RNPS1: variants seen among roughly 807,000 people sequenced by gnomAD.
RNPS1 encodes RNA binding protein with serine rich domain 1.
For missense variants in RNPS1, 300 were observed against 427.6 expected, an observed-to-expected ratio of 0.70 and a Z score of 2.63; for synonymous variants, 147 against 150.0, an observed-to-expected ratio of 0.98 and a Z score of 0.15.
rs376440823 is a variant in RNPS1, at chr16:2,254,020, G to T, written c.862C>A (p.Arg288=). Residue 288 remains arginine, a synonymous_variant, in exon 8 of 8, where the codon CGG becomes AGG. Transcript: ENST00000320225. ...RRRSPVRRRS[R]SPGRRRHRSR... ...CTGTGGCGGCGGCGGCCCGGGGACCGTGATCTCCGGCGCACGGGGGACCTG... is the reference window on the plus strand; with the variant it reads ...CTGTGGCGGCGGCGGCCCGGGGACCTTGATCTCCGGCGCACGGGGGACCTG... 110 of 1,521,656 alleles carry T rather than the reference G, an allele frequency of 7.2e-5. No homozygotes were observed. The highest frequency in any genetic ancestry group is 8.9e-5 in the Non-Finnish European group (101 of 1,132,002). The allele number at this position is 1,521,656 out of a possible 1,614,324, so 94.3% of individuals were successfully genotyped here.
At chr16:2,261,764 G>A (rs2093603938) in intron 6 of RNPS1, among the ~76,000 whole-genome samples, 1 of 152,158 alleles carries the variant, frequency 6.6e-6, no homozygotes, top group Admixed American at 6.6e-5. Context: ...GTTTTATTGG[G>A]AAGAAAACTC....
chr16:2,266,069 T>G, intron 1 of RNPS1: 5 of 975,960 alleles, frequency 5.1e-6, no homozygotes, highest in Non-Finnish European at 6.1e-6. Flanking sequence ...AGTTGTTAAG[T>G]GAAGATCTCA....
rs761577570 is a variant in RNPS1 at position 2,268,078 on chromosome 16, T to C, written c.-141A>G. ...ACATCTTCCCGCCGCCGCCACCTCC[T>C]CCTGCTTTCCTCAGCCGCCGAGGCC... On this transcript the variant is annotated 5_prime_UTR_variant, in exon 1 of 8. Coordinates refer to ENST00000320225, the MANE Select transcript of RNPS1 (RefSeq NM_080594.4). 1.6e-5 allele frequency: 24 copies of C among 1,535,330 alleles called. 1 individual carries two copies. In the South Asian group the frequency reaches 2.5e-4, roughly 16 times the overall value.
chr16:2,258,109 G>A (rs1349360687), intron 6 of RNPS1: 1 of 152,202 alleles, frequency 6.6e-6, no homozygotes, highest in African/African-American at 2.4e-5. Flanking sequence ...GTGGTTATGA[G>A]ATACAAGTGT....
chr16:2,262,144 C>T, intron 6 of RNPS1, 134 bp downstream of exon 6: 1 of 911,774 alleles, frequency 1.1e-6, no homozygotes, highest in South Asian at 1.8e-5. Context: ...GAACTGCACC[C>T]CAGCCTGGGC....
At chr16:2,266,175 G>C (rs564406383) in intron 1 of RNPS1, 2 of 985,456 alleles carry the variant, frequency 2.0e-6, no homozygotes, top group Non-Finnish European at 2.4e-6. Flanking sequence ...TCCCTGTGCA[G>C]TGCACGCCAG....
chr16:2,255,999 C>T (rs1003048882), intron 6 of RNPS1: 2 of 406,462 alleles, frequency 4.9e-6, no homozygotes, highest in African/African-American at 4.2e-5. Context: ...GTGGCGGGCG[C>T]CTATAGTACC....
intron 1 of RNPS1, chr16:2,267,517 G>C (rs963447563): frequency 9.9e-7 from 1 of 1,013,442 alleles, no homozygotes; most frequent in African/African-American, 1.7e-5. Flanking sequence ...CGGGAGTCCG[G>C]GAAACGTTCG....
At chr16:2,263,821 C>T in intron 3 of RNPS1, 1 of 280,950 alleles carries the variant, frequency 3.6e-6, no homozygotes, top group East Asian at 9.4e-5. Context: ...AAGCCATCCT[C>T]TTGCCTCAGC....
At position 2,268,057 on chromosome 16, in the gene RNPS1, C is replaced by T. The variant is rs750920126; in HGVS notation, c.-120G>A. ...AGTCGGATTCCGCCCCAACTTACAT[C>T]TTCCCGCCGCCGCCACCTCCTCCTG... On this transcript the variant is annotated splice_region_variant and 5_prime_UTR_variant, in exon 1 of 8. Transcript: ENST00000320225. 192 of 1,534,906 alleles carry T rather than the reference C, an allele frequency of 1.3e-4. No individual in the cohort carries two copies. The highest frequency in any genetic ancestry group is 3.7e-4 in the East Asian group (15 of 40,872).
Position 2,253,883 on chromosome 16 carries a change from TG to T in RNPS1, c.*80del. 7.9e-7 allele frequency: 1 copy of T among 1,264,254 alleles called. No homozygotes were observed. Among genetic ancestry groups the T allele is most frequent in the Non-Finnish European group, 1.1e-6 (1 of 884,372 alleles). The allele number at this position is 1,264,254 out of a possible 1,614,324, so 78.3% of individuals were successfully genotyped here. Reference sequence around the variant, plus strand: ...CAGAGTCAAGGGTTTGCTTTCCTACTGGTCTTCCTTTGGCTAGAAAAGTGAC... The same window carrying T: ...CAGAGTCAAGGGTTTGCTTTCCTACTGTCTTCCTTTGGCTAGAAAAGTGAC... On this transcript the variant is annotated 3_prime_UTR_variant, in exon 8 of 8. Coordinates refer to ENST00000320225, the MANE Select transcript of RNPS1 (RefSeq NM_080594.4).
chr16:2,254,740 C>CTTTTTTT (rs11315814), intron 7 of RNPS1, among the ~76,000 whole-genome samples: 1 of 103,592 alleles, frequency 9.7e-6, no homozygotes, highest in Non-Finnish European at 2.0e-5. Context: ...AAAGTTTTAC[C>CTTTTTTT]TTTTTTTTTT....
Position 2,255,445 on chromosome 16 carries a change from A to G in RNPS1, c.818+140T>C, listed in dbSNP as rs75958361. Reference sequence around the variant, plus strand: ...CAGCTGTGGCCCTCCTGCTCTCTCCATGAGCTCTGAAGGGCTCCTGCTCTC... The same window carrying G: ...CAGCTGTGGCCCTCCTGCTCTCTCCGTGAGCTCTGAAGGGCTCCTGCTCTC... On this transcript the variant is annotated intron_variant, in intron 7 of 7. Coordinates refer to ENST00000320225, the MANE Select transcript of RNPS1 (RefSeq NM_080594.4). The G allele has an allele frequency of 3.4e-3, 3,356 of 982,126 alleles. 4 individuals are homozygous for G. The highest frequency in any genetic ancestry group is 4.2e-3 in the Non-Finnish European group (2,837 of 668,758). The allele number at this position is 982,126 out of a possible 1,614,324, so 60.8% of individuals were successfully genotyped here.
intron 6 of RNPS1, among the ~76,000 whole-genome samples, chr16:2,260,347 G>A (rs957461449): frequency 1.1e-3 from 169 of 151,888 alleles, no homozygotes; most frequent in African/African-American, 4.0e-3. Flanking sequence ...TTAGAGACGG[G>A]GTTTCACGAT....
chr16:2,266,659 C>G, intron 1 of RNPS1: 1 of 985,454 alleles, frequency 1.0e-6, no homozygotes, highest in Non-Finnish European at 1.2e-6. Context: ...TTTCTGAACT[C>G]TCAGCTGGGT....
At chr16:2,260,344 C>CG (rs1277928896) in intron 6 of RNPS1, among the ~76,000 whole-genome samples, 1 of 151,664 alleles carries the variant, frequency 6.6e-6, no homozygotes, top group Non-Finnish European at 1.5e-5. Flanking sequence ...TTATTAGAGA[C>CG]GGGGTTTCAC....
At chr16:2,261,472 T>G (rs1379019940) in intron 6 of RNPS1, among the ~76,000 whole-genome samples, 1 of 152,212 alleles carries the variant, frequency 6.6e-6, no homozygotes, top group East Asian at 1.9e-4. Flanking sequence ...ATTACAATGC[T>G]TCATCTCCCT....
chr16:2,253,135 T>C lies in RNPS1; in HGVS notation c.*829A>G, dbSNP rs1327102557. On this transcript the variant is annotated 3_prime_UTR_variant, in exon 8 of 8. Coordinates refer to ENST00000320225, the MANE Select transcript of RNPS1 (RefSeq NM_080594.4). ...CAGAACTAGATTTGCATTCCGATCT[T>C]GGGTTTATTCAACACAATTCTTCCA... 2 of 152,562 alleles carry C rather than the reference T, an allele frequency of 1.3e-5. No homozygotes were observed. The highest frequency in any genetic ancestry group is 2.9e-5 in the Non-Finnish European group (2 of 68,034). 9.5% of individuals were successfully genotyped at this position (152,562 alleles called of 1,614,324 possible).
rs570207879 is a variant in RNPS1, at chr16:2,264,577, T to C, written c.67A>G (p.Thr23Ala). 66 of 1,613,476 alleles carry C rather than the reference T, an allele frequency of 4.1e-5. No homozygotes were observed. The East Asian group carries it at 9.8e-4, about 24-fold the overall frequency. ...GVKENNKKSS[T>A]RAPSPTKRKD... ...AAAATCTTACAGAAGGATTACCTAG[T>C]GCTGGACTTTTTATTATTTTCTTTG... The change falls in exon 2 of 8, where the codon ACT becomes GCT. Residue 23 changes from threonine (T) to alanine (A), a missense_variant. Coordinates refer to ENST00000320225, the MANE Select transcript of RNPS1 (RefSeq NM_080594.4).
Sources: allele counts gnomAD v4.1 joint callset (sites outside exome capture counted in the v4.1 genomes callset), GRCh38; gene constraint gnomAD v4.1.1; transcripts MANE v1.5; gene names NCBI Gene and HGNC (gene_info 2026-07-23, HGNC 2026-07-21).